CDH18: variants seen among roughly 807,000 people sequenced by gnomAD.
CDH18 encodes the protein cadherin-18.
A neutral mutation model predicts 67.9 loss-of-function variants in CDH18; 31 were observed. The observed-to-expected ratio is 0.46, with a 90% CI of 0.34 to 0.62. The LOEUF (loss-of-function observed/expected upper bound fraction) is 0.62. CDH18 is among the 20% of genes least tolerant of loss of function. CDH18 has a pLI of 0.01. For synonymous variants in CDH18, 362 were observed against 347.2 expected (o/e 1.04, Z -0.48); for missense variants, 890 against 975.5 (o/e 0.91, Z 1.17).
At chr5:19,750,650 A>G (rs1770711069) in intron 3 of CDH18, among the ~76,000 whole-genome samples, 1 of 152,108 alleles carries the variant, frequency 6.6e-6, no homozygotes, top group African/African-American at 2.4e-5. Flanking sequence ...TGTAGGTTAC[A>G]AGCTTAGCTA....
At position 19,847,122 on chromosome 5, in the gene CDH18, A is replaced by T. The variant is rs142913040; in HGVS notation, c.-256-7880T>A. On this transcript the variant is annotated intron_variant, in intron 2 of 12. Coordinates refer to ENST00000382275, the MANE Select transcript of CDH18 (RefSeq NM_004934.5). Reference sequence around the variant, plus strand: ...GTATCTTAGCAAGTTTTGTGTTTAAACTATTTCAAATTCATTGGGCTACTT... The same window carrying T: ...GTATCTTAGCAAGTTTTGTGTTTAATCTATTTCAAATTCATTGGGCTACTT... Among the ~76,000 whole-genome samples, 533 of 152,082 alleles carry T rather than the reference A, an allele frequency of 3.5e-3. 6 individuals carry two copies. Among genetic ancestry groups the T allele is most frequent in the Non-Finnish European group, 4.9e-3 (330 of 67,952 alleles).
At chr5:20,549,429 G>A (rs925681299) in intron 1 of CDH18, among the ~76,000 whole-genome samples, 9 of 151,932 alleles carry the variant, frequency 5.9e-5, no homozygotes, top group African/African-American at 2.2e-4. Flanking sequence ...ATCAGCTATT[G>A]CTCTAGAAGA....
At chr5:19,937,764 C>A (rs893178522) in intron 2 of CDH18, among the ~76,000 whole-genome samples, 10 of 150,598 alleles carry the variant, frequency 6.6e-5, no homozygotes, top group African/African-American at 2.4e-4. Flanking sequence ...ATACTACATC[C>A]TTGAAGAACA....
intron 2 of CDH18, among the ~76,000 whole-genome samples, chr5:20,242,599 A>ATATATATATAT (rs1314359446): frequency 2.4e-4 from 17 of 69,828 alleles, no homozygotes; most frequent in African/African-American, 1.4e-3. Flanking sequence ...ATTGAGGGAA[A>ATATATATATAT]AAAAAAAAAA....
chr5:19,489,461 C>T (rs144659708), intron 11 of CDH18, among the ~76,000 whole-genome samples: 1 of 151,910 alleles, frequency 6.6e-6, no homozygotes, highest in East Asian at 1.9e-4. Flanking sequence ...GTTGGCCAGG[C>T]TGGTCTCAAA....
intron 2 of CDH18, among the ~76,000 whole-genome samples, chr5:20,173,544 A>G (rs1157242211): frequency 1.3e-5 from 2 of 152,184 alleles, no homozygotes; most frequent in African/African-American, 4.8e-5. Flanking sequence ...CTCTGTGTTT[A>G]TAGCAAGAAA....
At chr5:20,426,646 C>G (rs984487705) in intron 1 of CDH18, among the ~76,000 whole-genome samples, 7 of 151,006 alleles carry the variant, frequency 4.6e-5, no homozygotes, top group Non-Finnish European at 8.8e-5. Context: ...CGTCAGAGTC[C>G]TAGGCACATT....
chr5:20,471,573 G>A (rs1328697131), intron 1 of CDH18, among the ~76,000 whole-genome samples: 9 of 151,812 alleles, frequency 5.9e-5, no homozygotes, highest in East Asian at 2.0e-4. Context: ...AGGCCGAGGC[G>A]GGAGGATCAC....
chr5:20,575,104 T>C (rs934292498), intron 1 of CDH18, among the ~76,000 whole-genome samples: 8 of 152,128 alleles, frequency 5.3e-5, no homozygotes, highest in Non-Finnish European at 1.2e-4. Context: ...TTTACCAAAG[T>C]AGTTTAACAG....
chr5:20,202,824 C>T (rs1279377292), intron 2 of CDH18, among the ~76,000 whole-genome samples: 1 of 151,882 alleles, frequency 6.6e-6, no homozygotes, highest in Non-Finnish European at 1.5e-5. Flanking sequence ...AAAACACATA[C>T]CTATATTAAT....
chr5:19,851,016 C>T (rs1419459002), intron 2 of CDH18, among the ~76,000 whole-genome samples: 1 of 151,678 alleles, frequency 6.6e-6, no homozygotes, highest in Non-Finnish European at 1.5e-5. Flanking sequence ...GGTGGATATT[C>T]CAATGAATTT....
chr5:19,743,826 C>A (rs2150715246), intron 4 of CDH18, among the ~76,000 whole-genome samples: 1 of 146,582 alleles, frequency 6.8e-6, no homozygotes, highest in East Asian at 2.0e-4. Flanking sequence ...GAGGCTGAGG[C>A]ATGAGAATTG....
At chr5:19,969,719 A>G (rs1797838712) in intron 2 of CDH18, among the ~76,000 whole-genome samples, 1 of 150,214 alleles carries the variant, frequency 6.7e-6, no homozygotes, top group Non-Finnish European at 1.5e-5. Flanking sequence ...GGGGAGGGAT[A>G]GCATTAGGAG....
chr5:19,883,083 T>C lies in CDH18; in HGVS notation c.-256-43841A>G, dbSNP rs537985976. ...AAGAAATAATCTGTGCAAGATACTCTGCCTCCCACGTGCTTCAGACAGCCC... is the reference window on the plus strand; with the variant it reads ...AAGAAATAATCTGTGCAAGATACTCCGCCTCCCACGTGCTTCAGACAGCCC... On this transcript the variant is annotated intron_variant, in intron 2 of 12. Coordinates refer to ENST00000382275, the MANE Select transcript of CDH18 (RefSeq NM_004934.5). Among the ~76,000 whole-genome samples the C allele has an allele frequency of 2.0e-5, 3 of 152,316 alleles. No individual in the cohort carries two copies. The South Asian group carries it at 6.2e-4, about 32-fold the overall frequency.
In CDH18 at chr5:19,931,414, C is replaced by A. The variant is rs1002786003; in HGVS notation, c.-257+49646G>T. Among the ~76,000 whole-genome samples the A allele has an allele frequency of 1.8e-4, 27 of 151,824 alleles. 1 individual carries two copies. Among genetic ancestry groups the A allele is most frequent in the Admixed American group, 1.7e-3 (26 of 15,176 alleles). On this transcript the variant is annotated intron_variant, in intron 2 of 12. Coordinates refer to ENST00000382275, the MANE Select transcript of CDH18 (RefSeq NM_004934.5). ...TTTATTTTCCTTTGAAGTGAACATG[C>A]ATTAAAACATTTGGAATAAATATTT... is the stretch of plus-strand genomic sequence containing the variant.
At chr5:19,723,991 T>C (rs1766469937) in intron 4 of CDH18, among the ~76,000 whole-genome samples, 1 of 152,120 alleles carries the variant, frequency 6.6e-6, no homozygotes, top group Non-Finnish European at 1.5e-5. Context: ...ATTACAGGTG[T>C]GAGCCACCGC....
At chr5:20,172,172 A>G (rs1198526722) in intron 2 of CDH18, among the ~76,000 whole-genome samples, 1 of 129,882 alleles carries the variant, frequency 7.7e-6, no homozygotes, top group South Asian at 2.4e-4. Flanking sequence ...GAGAACTTTG[A>G]TATCAATAGC....
At chr5:19,943,184 T>TTTG (rs1794986793) in intron 2 of CDH18, among the ~76,000 whole-genome samples, 1 of 152,244 alleles carries the variant, frequency 6.6e-6, no homozygotes, top group Non-Finnish European at 1.5e-5. Context: ...TAATAATCTT[T>TTTG]TTGTTGTTGT....
At chr5:20,241,618 A>G (rs1056011617) in intron 2 of CDH18, among the ~76,000 whole-genome samples, 25 of 152,004 alleles carry the variant, frequency 1.6e-4, no homozygotes, top group Non-Finnish European at 1.5e-5. Flanking sequence ...TTGGGAGGCC[A>G]AGGCGGGTGG....
Sources: gnomAD v4.1 joint callset for allele counts (sites outside exome capture counted in the v4.1 genomes callset) on GRCh38, gnomAD v4.1.1 for gene constraint, MANE v1.5 for transcripts, NCBI Gene and HGNC (gene_info 2026-07-23, HGNC 2026-07-21) for gene names.